The following DNAH3 variants were observed in gnomAD, a reference collection of about 807,000 sequenced individuals.
The protein encoded by DNAH3 is dynein axonemal heavy chain 3, also known as axonemal beta dynein heavy chain 3.
DNAH3 carries 332 observed loss-of-function variants against 432.5 expected under a neutral mutation model. The observed-to-expected ratio is 0.77, with a 90% CI of 0.70 to 0.84. DNAH3 has a LOEUF of 0.84. DNAH3 is among the 40% of genes least tolerant of loss of function. The probability of loss-of-function intolerance (pLI) is 0.00; values close to 1 mark genes in which losing one functional copy is unlikely to be tolerated. For synonymous variants in DNAH3, 1,956 were observed against 1,900.2 expected (o/e 1.03, Z -0.76); for missense variants, 4,861 against 5,114.0 (o/e 0.95, Z 1.51).
chr16:20,987,173 CAA>C (rs2086237846), intron 47 of DNAH3, 130 bp downstream of exon 47: 5 of 1,130,424 alleles, frequency 4.4e-6, no homozygotes, highest in Middle Eastern at 2.2e-4. Flanking sequence ...GCAGTTGACT[CAA>C]TACTGTTTCC....
intron 14 of DNAH3, among the ~76,000 whole-genome samples, chr16:21,107,862 G>GT (rs963425848): frequency 2.2e-4 from 32 of 147,000 alleles, no homozygotes; most frequent in South Asian, 4.4e-4. Context: ...ATCGTGACAT[G>GT]TTTTTTTTTT....
At chr16:21,072,459 T>C (rs2152764161) in intron 21 of DNAH3, among the ~76,000 whole-genome samples, 1 of 152,226 alleles carries the variant, frequency 6.6e-6, no homozygotes, top group South Asian at 2.1e-4. Context: ...CCTGCGTAGC[T>C]GGGATTTCAG....
intron 61 of DNAH3, among the ~76,000 whole-genome samples, chr16:20,934,903 G>A (rs932950703): frequency 1.3e-5 from 2 of 152,122 alleles, no homozygotes; most frequent in African/African-American, 2.4e-5. Flanking sequence ...GGATCTTTCC[G>A]TATAATTTAA....
intron 31 of DNAH3, among the ~76,000 whole-genome samples, chr16:21,046,976 T>C (rs1412396938): frequency 6.7e-6 from 1 of 150,040 alleles, no homozygotes; most frequent in African/African-American, 2.4e-5. Context: ...TTGAAAATTC[T>C]TTTCTTTAAG....
At chr16:21,047,225 C>T (rs1207834837) in intron 31 of DNAH3, among the ~76,000 whole-genome samples, 3 of 147,264 alleles carry the variant, frequency 2.0e-5, no homozygotes, top group African/African-American at 7.6e-5. Flanking sequence ...GTTGGCCTGC[C>T]TTGCTAGATT....
At chr16:21,022,056 A>C in exon 40 of DNAH3, 1 of 1,614,144 alleles carries the variant, frequency 6.2e-7, no homozygotes, top group Non-Finnish European at 8.5e-7. Context: ...GAAGGCGACC[A>C]AATTCCAGGC....
intron 18 of DNAH3, among the ~76,000 whole-genome samples, chr16:21,093,141 G>A (rs771194372): frequency 3.9e-5 from 6 of 152,144 alleles, no homozygotes; most frequent in Admixed American, 3.9e-4. Context: ...ACTAAATGCT[G>A]GCAAGGATGT....
intron 40 of DNAH3, among the ~76,000 whole-genome samples, chr16:21,020,387 ATATATATATATTTT>A (rs1235628763): frequency 2.3e-4 from 8 of 34,944 alleles, no homozygotes; most frequent in African/African-American, 3.2e-4. Context: ...ATATATATAT[ATATATATATATTTT>A]TTTTTTTTTT....
chr16:21,019,644 T>G lies in DNAH3; in HGVS notation c.6002A>C (p.Asn2001Thr), dbSNP rs1567645612. ...ATTACCTCTTTCTGGAAAGATGTTG[T>G]TTTTGGTGAGTTTGACGCTTTTGGG... is the stretch of plus-strand genomic sequence containing the variant. Residue 2001 changes from asparagine (N) to threonine (T), a missense_variant, in exon 41 of 62, where the codon AAC becomes ACC. Coordinates refer to ENST00000261383, the Ensembl canonical transcript of DNAH3. The G allele has an allele frequency of 6.2e-7, 1 of 1,614,112 alleles. No homozygotes were observed. The highest frequency in any genetic ancestry group is 1.3e-5 in the African/African-American group (1 of 75,042).
chr16:21,006,621 C>T (rs2087315748), intron 41 of DNAH3, among the ~76,000 whole-genome samples: 1 of 152,162 alleles, frequency 6.6e-6, no homozygotes, highest in Admixed American at 6.5e-5. Context: ...CCTATTCTGC[C>T]TATATAAAGG....
chr16:21,122,227 G>A (rs2092358321), intron 9 of DNAH3, 103 bp from the exon 11 acceptor site: 2 of 922,032 alleles, frequency 2.2e-6, no homozygotes, highest in African/African-American at 1.7e-5. Context: ...ACCAGAAAAG[G>A]CAATGAAGGG....
At chr16:20,977,274 G>A (rs977069964) in intron 50 of DNAH3, among the ~76,000 whole-genome samples, 12 of 152,214 alleles carry the variant, frequency 7.9e-5, no homozygotes, top group Admixed American at 4.6e-4. Context: ...CTACTCGGGA[G>A]ACTGAGGCAG....
chr16:21,142,031 C>T (rs758862599), intron 3 of DNAH3, among the ~76,000 whole-genome samples: 27 of 151,478 alleles, frequency 1.8e-4, no homozygotes, highest in African/African-American at 3.6e-4. Flanking sequence ...CCATACTGGG[C>T]GACAGAGTGA....
In DNAH3 at chr16:21,150,509, T is replaced by C. The variant is rs1483031995; in HGVS notation, c.118-4421A>G. ...TCATGAGGTTGCCTCTCTGAGGTCA[T>C]AGACTTTGGCCCGCTGAGGAGTTCC... On this transcript the variant is annotated intron_variant, in intron 1 of 61. The change abolishes an upstream ATG in the 5' untranslated region. Transcript: ENST00000261383. The C allele has an allele frequency of 3.5e-6, 1 of 282,432 alleles. No homozygotes were observed. The highest frequency in any genetic ancestry group is 9.2e-5 in the East Asian group (1 of 10,838). The allele number at this position is 282,432 out of a possible 1,614,324, so 17.5% of individuals were successfully genotyped here.
intron 19 of DNAH3, among the ~76,000 whole-genome samples, chr16:21,083,165 G>A (rs1244957513): frequency 6.6e-6 from 1 of 151,850 alleles, no homozygotes. Context: ...ACAGGCGCAT[G>A]GCACCACGCC....
chr16:21,085,249 T>A (rs115669499), intron 19 of DNAH3, among the ~76,000 whole-genome samples: 1 of 151,240 alleles, frequency 6.6e-6, no homozygotes, highest in African/African-American at 2.4e-5. Context: ...AAATTACAAT[T>A]AAAAAATATC....
intron 52 of DNAH3, among the ~76,000 whole-genome samples, chr16:20,965,715 T>C (rs2085025057): frequency 6.6e-6 from 1 of 152,096 alleles, no homozygotes; most frequent in Non-Finnish European, 1.5e-5. Flanking sequence ...ATTTTATTTA[T>C]TCATTTATTT....
At chr16:20,955,333 A>T (rs1236948807) in intron 54 of DNAH3, among the ~76,000 whole-genome samples, 2 of 152,062 alleles carry the variant, frequency 1.3e-5, no homozygotes, top group Non-Finnish European at 2.9e-5. Context: ...ATGAGGAGGG[A>T]CTTACTACCT....
At chr16:20,989,742 T>A (rs2086447150) in intron 44 of DNAH3, among the ~76,000 whole-genome samples, 2 of 152,112 alleles carry the variant, frequency 1.3e-5, no homozygotes, top group South Asian at 4.1e-4. Flanking sequence ...ATGGAGTGGG[T>A]GGGAGGCTCA....
Sources: gnomAD v4.1 joint callset for allele counts (sites outside exome capture counted in the v4.1 genomes callset) on GRCh38, gnomAD v4.1.1 for gene constraint, MANE v1.5 for transcripts, NCBI Gene and HGNC (gene_info 2026-07-23, HGNC 2026-07-21) for gene names.